PPL: variants seen among roughly 807,000 people sequenced by gnomAD.
PPL encodes the protein 190 kDa paraneoplastic pemphigus antigen.
Under a neutral mutation model 194.4 loss-of-function variants are expected in PPL, and 198 were observed. The observed-to-expected ratio is 1.02, with a 90% CI of 0.91 to 1.15. The LOEUF is 1.15. PPL is among the 50% of genes most tolerant of loss of function. The pLI is 0.00. For missense variants in PPL, 2,885 were observed against 2,294.8 expected (o/e 1.26, Z -5.25); for synonymous variants, 1,220 against 972.4 (o/e 1.25, Z -4.74).
At position 4,883,931 on chromosome 16, in the gene PPL, A is replaced by T. The variant is rs757833192; in HGVS notation, c.4724T>A (p.Leu1575Gln). The T allele has an allele frequency of 2.5e-6, 4 of 1,614,008 alleles. No homozygotes were observed. In the Admixed American group the frequency reaches 6.7e-5, roughly 27 times the overall value. ...TTGGAGCCTTCGGGTCTCCAGCTGC[A>T]GGTTTTGCCTCTCCAGCTGTAATTT... is the stretch of plus-strand genomic sequence containing the variant. ...NHKLQLERQN[L>Q]QLETRRLQSE... Residue 1575 changes from leucine (L) to glutamine (Q), a missense_variant, in exon 22 of 22, where the codon CTG becomes CAG. Leu to Gln is a moderately radical substitution (Grantham distance 113, BLOSUM62 -2). Coordinates refer to ENST00000345988, the MANE Select transcript of PPL (RefSeq NM_002705.5). The surrounding 1 kb of genome is among the most constrained non-coding windows in gnomAD (Gnocchi z 4.8).
chr16:4,900,120 A>C (rs1299767800), intron 6 of PPL, among the ~76,000 whole-genome samples: 4 of 152,184 alleles, frequency 2.6e-5, no homozygotes, highest in Admixed American at 2.6e-4. Flanking sequence ...ATAGCGACAC[A>C]ATGCTGCCTC....
intron 2 of PPL, among the ~76,000 whole-genome samples, chr16:4,909,110 C>CG (rs1053074573): frequency 1.3e-5 from 2 of 151,938 alleles, no homozygotes; most frequent in African/African-American, 4.8e-5. Flanking sequence ...GGCATGGAGG[C>CG]GGGGGCCCCA....
At position 4,884,139 on chromosome 16, in the gene PPL, G is replaced by A; in HGVS notation, c.4516C>T (p.Gln1506Ter). The A allele has an allele frequency of 6.2e-7, 1 of 1,613,294 alleles. No homozygotes were observed. The change falls in exon 22 of 22, where the codon CAG becomes TAG. Residue 1506 changes from glutamine (Q) to a stop codon, truncating the protein, a stop_gained. Transcript: ENST00000345988. LOFTEE classifies it high-confidence loss of function. The surrounding 1 kb of genome is among the most constrained non-coding windows in gnomAD (Gnocchi z 5.7). The stretch of plus-strand genomic sequence containing the variant: ...TGCTCGGTGTCGCCCTTCTCCACCT[G>A]GACACTCTCGGAGAGCACCACCTTC... ...KEKVVLSESV[Q>*]VEKGDTEQEI...
Position 4,885,243 on chromosome 16 carries a change from CA to C in PPL, c.3411del (p.Tyr1137Ter). ...EREVSDLTRQYEDEAAKARAS... is the reference protein window; with the variant it reads ...EREVSDLTRQXEDEAAKARAS... ...GCGCGAGCCTTGGCAGCCTCGTCCT[CA>C]TATTGGCGGGTGAGATCGCTGACCT... is the stretch of plus-strand genomic sequence containing the variant. On this transcript the variant is annotated frameshift_variant, in exon 22 of 22. Transcript: ENST00000345988. LOFTEE classifies it high-confidence loss of function. This position sits in a 1 kb window ranked among gnomAD's most constrained non-coding sequence, Gnocchi z 6.3. 1 of 1,613,788 alleles carries C rather than the reference CA, an allele frequency of 6.2e-7. No homozygotes were observed. Among genetic ancestry groups the C allele is most frequent in the Non-Finnish European group, 8.5e-7 (1 of 1,180,030 alleles).
rs917224041 is a variant in PPL at position 4,902,344 on chromosome 16, G to A, written c.438+62C>T. ...CCCATTACATGGGTAGGCTCTCCCT[G>A]CACACGCACAGCCCCCTCCCCAGCT... is the stretch of plus-strand genomic sequence containing the variant. On this transcript the variant is annotated intron_variant, in intron 4 of 21. Coordinates refer to ENST00000345988, the MANE Select transcript of PPL (RefSeq NM_002705.5). This position sits in a 1 kb window ranked among gnomAD's most constrained non-coding sequence, Gnocchi z 4.0. The A allele has an allele frequency of 2.5e-6, 4 of 1,599,146 alleles. No individual in the cohort carries two copies. The African/African-American group carries it at 4.0e-5, about 16-fold the overall frequency.
In PPL at chr16:4,901,081, C is replaced by G. The variant is rs779957178; in HGVS notation, c.447G>C (p.Leu149=). The G allele has an allele frequency of 6.2e-7, 1 of 1,614,096 alleles. No homozygotes were observed. The highest frequency in any genetic ancestry group is 1.7e-5 in the Admixed American group (1 of 60,000). Residue 149 remains leucine, a synonymous_variant, in exon 5 of 22, where the codon CTG becomes CTC. Transcript: ENST00000345988. Reference sequence around the variant, plus strand: ...GGTCAGTCCCAAAGCTCTGGTTGTTCAGCTTGTCCTGGCCAGGAGGGCAGA... The same window carrying G: ...GGTCAGTCCCAAAGCTCTGGTTGTTGAGCTTGTCCTGGCCAGGAGGGCAGA... ...AALVEEKLDK[L]NNQSFGTDLP...
At chr16:4,926,335 A>G (rs1400100022) in intron 1 of PPL, among the ~76,000 whole-genome samples, 2 of 152,158 alleles carry the variant, frequency 1.3e-5, no homozygotes, top group Non-Finnish European at 2.9e-5. Context: ...ACTCTTTGTC[A>G]TCTCTCTGCC....
intron 1 of PPL, among the ~76,000 whole-genome samples, chr16:4,912,649 C>A (rs2088840482): frequency 6.6e-6 from 1 of 152,248 alleles, no homozygotes; most frequent in Non-Finnish European, 1.5e-5. Flanking sequence ...AAATCAGAAG[C>A]CCTCACCATG....
At position 4,902,442 on chromosome 16, in the gene PPL, T is replaced by A; in HGVS notation, c.402A>T (p.Pro134=). ...IYRLAVKEVD[P]QVNWAALVEE... ...CCACCAGTGCCGCCCAGTTGACCTG[T>A]GGATCCACTTCCTTCACCGCCAGCC... The change falls in exon 4 of 22, where the codon CCA becomes CCT. Residue 134 remains proline, a synonymous_variant. Transcript: ENST00000345988. This position sits in a 1 kb window ranked among gnomAD's most constrained non-coding sequence, Gnocchi z 4.0. 6.2e-7 allele frequency: 1 copy of A among 1,614,112 alleles called. No individual in the cohort carries two copies.
chr16:4,901,548 G>A (rs1251954339), intron 4 of PPL, among the ~76,000 whole-genome samples: 1 of 152,054 alleles, frequency 6.6e-6, no homozygotes, highest in Non-Finnish European at 1.5e-5. Context: ...AATTAGCCAG[G>A]TGTGGTGGCA....
In PPL at chr16:4,885,521, T is replaced by C; in HGVS notation, c.3134A>G (p.Lys1045Arg). The stretch of plus-strand genomic sequence containing the variant: ...TGTGACCTTCTCCTGCGCCCGGCTC[T>C]TCTCTTCAGCCAGGGCGGCCACACG... The part of the protein sequence containing the change: ...QQRVAALAEE[K>R]SRAQEKVTEK... The change falls in exon 22 of 22, where the codon AAG becomes AGG. Residue 1045 changes from lysine to arginine, a missense_variant. Physicochemically the swap from Lys to Arg is conservative, Grantham distance 26 (BLOSUM62 2). Transcript: ENST00000345988. The surrounding 1 kb of genome is among the most constrained non-coding windows in gnomAD (Gnocchi z 6.3). 6.2e-7 allele frequency: 1 copy of C among 1,611,242 alleles called. No homozygotes were observed. Among genetic ancestry groups the C allele is most frequent in the Non-Finnish European group, 8.5e-7 (1 of 1,179,938 alleles).
Position 4,883,526 on chromosome 16 carries a change from A to G in PPL, c.5129T>C (p.Ile1710Thr). 6.2e-7 allele frequency: 1 copy of G among 1,614,168 alleles called. No individual in the cohort carries two copies. Among genetic ancestry groups the G allele is most frequent in the Non-Finnish European group, 8.5e-7 (1 of 1,180,018 alleles). ...CTTCTTGCCAGACTTCCTGTCGTGT[A>G]TCACTGAGGACTCCCCATTGGGACC... ...VKGPNGESSV[I>T]HDRKSGKKFS... Residue 1710 changes from isoleucine to threonine, a missense_variant, in exon 22 of 22, where the codon ATA becomes ACA. Transcript: ENST00000345988. This position sits in a 1 kb window ranked among gnomAD's most constrained non-coding sequence, Gnocchi z 4.8.
In PPL at chr16:4,883,001, G is replaced by A. The variant is rs921333174; in HGVS notation, c.*383C>T. 1 of 238,078 alleles carries A rather than the reference G, an allele frequency of 4.2e-6. No individual in the cohort carries two copies. The highest frequency in any genetic ancestry group is 8.3e-6 in the Non-Finnish European group (1 of 121,176). The allele number at this position is 238,078 out of a possible 1,614,324, so 14.7% of individuals were successfully genotyped here. On this transcript the variant is annotated 3_prime_UTR_variant, in exon 22 of 22. Transcript: ENST00000345988. This position sits in a 1 kb window ranked among gnomAD's most constrained non-coding sequence, Gnocchi z 4.8. ...TTGTGGGGCAGTGTCACTGTCTGGT[G>A]TGCCACCAGTACCCATGCTGCAAGG...
intron 1 of PPL, among the ~76,000 whole-genome samples, chr16:4,916,336 C>T (rs1055984292): frequency 5.9e-5 from 9 of 152,108 alleles, no homozygotes; most frequent in South Asian, 2.1e-4. Context: ...CTCAGCCTCC[C>T]GAGTAGCTAG....
Position 4,903,906 on chromosome 16 carries a change from C to G in PPL, c.297G>C (p.Gln99His). Reference protein sequence around the residue: ...AAIAKHMKHPQGDMIAEDIRQ... With the variant: ...AAIAKHMKHPHGDMIAEDIRQ... ...CCTACTCCTCGGCGATCATGTCCCC[C>G]TGTGGGTGCTTCATGTGCTTGGCAA... The change falls in exon 3 of 22, where the codon CAG (glutamine) becomes CAC (histidine). Residue 99 changes from glutamine (Q) to histidine (H), a missense_variant. Gln to His is a conservative substitution (Grantham distance 24, BLOSUM62 0). Transcript: ENST00000345988. 1 of 1,614,096 alleles carries G rather than the reference C, an allele frequency of 6.2e-7. No homozygotes were observed. The highest frequency in any genetic ancestry group is 8.5e-7 in the Non-Finnish European group (1 of 1,180,034).
chr16:4,891,853 A>T lies in PPL; in HGVS notation c.1926T>A (p.Pro642=). Residue 642 remains proline, a synonymous_variant, in exon 16 of 22, where the codon CCT becomes CCA. Transcript: ENST00000345988. ...ENHLNQDDTV[P]ESSRVLDSKG... is the part of the protein sequence containing the mutation. ...TGCTGTCCAGGACACGGCTGCTCTC[A>T]GGCACTGTGTCATCCTGATTCAGAT... is the stretch of plus-strand genomic sequence containing the variant. 1.2e-6 allele frequency: 2 copies of T among 1,613,392 alleles called. No individual in the cohort carries two copies. Among genetic ancestry groups the T allele is most frequent in the Non-Finnish European group, 1.7e-6 (2 of 1,179,970 alleles).
In PPL at chr16:4,895,303, C is replaced by G; in HGVS notation, c.1200G>C (p.Lys400Asn). ...CACAGAGTGCCTCCACGGGGATGGG[C>G]TTGAGCGGAGTCTCCCGGCGGTACT... ...PLKYRRETPLKPIPVEALCDF... is the reference protein window; with the variant it reads ...PLKYRRETPLNPIPVEALCDF... The change falls in exon 11 of 22, where the codon AAG becomes AAC. Residue 400 changes from lysine (K) to asparagine (N), a missense_variant. By Grantham distance (94) the Lys-to-Asn change is moderately conservative. Coordinates refer to ENST00000345988, the MANE Select transcript of PPL (RefSeq NM_002705.5). 1 of 1,613,076 alleles carries G rather than the reference C, an allele frequency of 6.2e-7. No individual in the cohort carries two copies. The highest frequency in any genetic ancestry group is 8.5e-7 in the Non-Finnish European group (1 of 1,179,848).
At chr16:4,892,328 G>C (rs1247275783) in intron 14 of PPL, 115 bp from the exon 15 acceptor site, 2 of 1,172,080 alleles carry the variant, frequency 1.7e-6, no homozygotes, top group African/African-American at 1.5e-5. Context: ...CAGCTGGAGA[G>C]GCCTGGCACA....
At chr16:4,911,726 A>G (rs11076861) in intron 1 of PPL, among the ~76,000 whole-genome samples, 132,510 of 151,752 alleles carry the variant, frequency 0.87, 57,970 homozygotes, top group East Asian at 0.94. Flanking sequence ...TTGGTAGAGA[A>G]GGGGTTTCAC....
Sources: allele counts gnomAD v4.1 joint callset (sites outside exome capture counted in the v4.1 genomes callset), GRCh38; gene constraint gnomAD v4.1.1; non-coding constraint Gnocchi (gnomAD v3.1); transcripts MANE v1.5; gene names NCBI Gene and HGNC (gene_info 2026-07-23, HGNC 2026-07-21).